The following AGTPBP1 variants were observed in gnomAD, a reference collection of about 807,000 sequenced individuals.
AGTPBP1 encodes cytosolic carboxypeptidase 1.
Under a neutral mutation model 143.9 loss-of-function variants are expected in AGTPBP1, and 70 were observed. That is an observed-to-expected ratio of 0.49 (90% CI 0.40 to 0.59). The LOEUF is 0.59. AGTPBP1 is among the 20% of genes least tolerant of loss of function. The pLI is 0.00. For synonymous variants in AGTPBP1, 463 were observed against 500.2 expected (o/e 0.93, Z 0.99); for missense variants, 1,229 against 1,464.5 (o/e 0.84, Z 2.62).
At chr9:85,687,809 G>C (rs533135473) in intron 3 of AGTPBP1, among the ~76,000 whole-genome samples, 1 of 152,022 alleles carries the variant, frequency 6.6e-6, no homozygotes, top group Non-Finnish European at 1.5e-5. Flanking sequence ...GAAAATGGCG[G>C]CCAGGCGCGG....
the AGTPBP1 span, among the ~76,000 whole-genome samples, chr9:85,780,096 C>T: frequency 1.3e-5 from 2 of 152,060 alleles, no homozygotes; most frequent in East Asian, 3.9e-4. Flanking sequence ...ACAAAACAGC[C>T]AATTGTAGCC....
chr9:85,602,643 C>G (rs7851156), intron 17 of AGTPBP1, among the ~76,000 whole-genome samples: 1 of 151,962 alleles, frequency 6.6e-6, no homozygotes, highest in South Asian at 2.1e-4. Context: ...CAGTGATCAC[C>G]GCCCCCCACT....
intron 25 of AGTPBP1, among the ~76,000 whole-genome samples, chr9:85,566,238 A>T (rs529228495): frequency 9.2e-5 from 14 of 152,218 alleles, no homozygotes; most frequent in African/African-American, 3.1e-4. Context: ...TTGGTATTGA[A>T]GCCAGGCACA....
chr9:85,660,869 TC>T, intron 9 of AGTPBP1, 66 bp downstream of exon 9: 2 of 1,166,270 alleles, frequency 1.7e-6, no homozygotes, highest in South Asian at 3.0e-5. Context: ...ATTTCCAGTT[TC>T]TTTAACATAA....
chr9:85,726,429 G>A (rs1213219643), intron 1 of AGTPBP1, among the ~76,000 whole-genome samples: 1 of 152,154 alleles, frequency 6.6e-6, no homozygotes, highest in Non-Finnish European at 1.5e-5. Flanking sequence ...ATTAACATCT[G>A]TGTTTTACAA....
Position 85,671,909 on chromosome 9 carries a change from C to A in AGTPBP1, c.568+641G>T, listed in dbSNP as rs1337645803. 5.3e-5 allele frequency among the ~76,000 whole-genome samples: 8 copies of A among 152,174 alleles called. 1 individual carries two copies. The East Asian group carries it at 1.5e-3, about 29-fold the overall frequency. On this transcript the variant is annotated intron_variant, in intron 7 of 25. Coordinates refer to ENST00000357081, the MANE Select transcript of AGTPBP1 (RefSeq NM_001330701.2). ...GCATCCTTTCCTTCTAGGCTTTCTC[C>A]TCTCATCTGTGACAGTCTAAAGAGG... is the stretch of plus-strand genomic sequence containing the variant.
chr9:85,794,437 T>C, the AGTPBP1 span, among the ~76,000 whole-genome samples: 2 of 152,182 alleles, frequency 1.3e-5, no homozygotes, highest in African/African-American at 4.8e-5. Flanking sequence ...CCTCATTAAA[T>C]TGTCTTCATA....
the AGTPBP1 span, among the ~76,000 whole-genome samples, chr9:85,779,221 A>G: frequency 7.2e-6 from 1 of 139,196 alleles, no homozygotes; most frequent in African/African-American, 3.1e-5. Flanking sequence ...AGATATAGAT[A>G]TAGATATAGA....
intron 1 of AGTPBP1, among the ~76,000 whole-genome samples, chr9:85,734,605 A>G (rs1397792347): frequency 6.6e-6 from 1 of 152,232 alleles, no homozygotes; most frequent in Non-Finnish European, 1.5e-5. Flanking sequence ...ACAAAAACAC[A>G]AAATAGTAAG....
chr9:85,641,048 C>T (rs964411049), intron 13 of AGTPBP1, among the ~76,000 whole-genome samples: 5 of 152,170 alleles, frequency 3.3e-5, no homozygotes, highest in African/African-American at 9.7e-5. Flanking sequence ...CTTTGTCCAA[C>T]GTATCCACAG....
intron 3 of AGTPBP1, among the ~76,000 whole-genome samples, chr9:85,691,087 G>T (rs1432637461): frequency 2.0e-5 from 3 of 152,182 alleles, no homozygotes; most frequent in African/African-American, 7.2e-5. Context: ...TGACAATGCA[G>T]TGAATATACC....
chr9:85,786,836 G>A, the AGTPBP1 span, among the ~76,000 whole-genome samples: 2 of 151,816 alleles, frequency 1.3e-5, no homozygotes, highest in East Asian at 1.9e-4. Context: ...TTATAAATAC[G>A]CTTAAATGTT....
At chr9:85,658,610 C>T (rs1423893242) in intron 9 of AGTPBP1, among the ~76,000 whole-genome samples, 1 of 152,026 alleles carries the variant, frequency 6.6e-6, no homozygotes, top group Non-Finnish European at 1.5e-5. Flanking sequence ...CTATAAAATA[C>T]CCACCAGGTT....
the AGTPBP1 span, among the ~76,000 whole-genome samples, chr9:85,798,094 G>T: frequency 4.0e-5 from 6 of 151,136 alleles, no homozygotes; most frequent in Non-Finnish European, 5.9e-5. Flanking sequence ...TGGAGACGGG[G>T]TTTCACCATA....
intron 1 of AGTPBP1, 29 bp downstream of exon 1, chr9:85,741,746 G>A: frequency 7.7e-7 from 1 of 1,297,904 alleles, no homozygotes; most frequent in South Asian, 2.2e-5. Flanking sequence ...CGGCCGGCCG[G>A]GACATGAGGA....
chr9:85,562,866 G>A (rs142212895), intron 25 of AGTPBP1, among the ~76,000 whole-genome samples: 83 of 152,210 alleles, frequency 5.5e-4, no homozygotes, highest in African/African-American at 1.9e-3. Flanking sequence ...AATTCCCAAG[G>A]TGATGGTATT....
the AGTPBP1 span, among the ~76,000 whole-genome samples, chr9:85,805,081 T>C: frequency 1.2e-4 from 19 of 152,174 alleles, no homozygotes; most frequent in African/African-American, 4.6e-4. Context: ...CCGAAGACCG[T>C]GGCGCCGCCG....
the AGTPBP1 span, among the ~76,000 whole-genome samples, chr9:85,779,232 TA>T: frequency 1.4e-5 from 2 of 146,450 alleles, no homozygotes; most frequent in Non-Finnish European, 3.0e-5. Context: ...TAGATATAGA[TA>T]TAGATATAGA....
the AGTPBP1 span, chr9:85,793,560 C>G: frequency 7.0e-6 from 1 of 142,282 alleles, no homozygotes; most frequent in Non-Finnish European, 1.6e-5. Context: ...AAGGTCAAGA[C>G]TTTAAGGGTA....
Sources: gnomAD v4.1 joint callset for allele counts (sites outside exome capture counted in the v4.1 genomes callset) on GRCh38, gnomAD v4.1.1 for gene constraint, MANE v1.5 for transcripts, NCBI Gene and HGNC (gene_info 2026-07-23, HGNC 2026-07-21) for gene names.